TIAM2: variants seen among roughly 807,000 people sequenced by gnomAD.
The protein encoded by TIAM2 is rho guanine nucleotide exchange factor TIAM2.
A neutral mutation model predicts 152.9 loss-of-function variants in TIAM2; 80 were observed. That is an observed-to-expected ratio of 0.52 (90% CI 0.44 to 0.63). TIAM2 has a LOEUF of 0.63. TIAM2 is among the 30% of genes least tolerant of loss of function. The pLI is 0.00. For missense variants in TIAM2, 1,965 were observed against 2,120.1 expected (o/e 0.93, Z 1.44); for synonymous variants, 804 against 838.0 (o/e 0.96, Z 0.70).
intron 2 of TIAM2, among the ~76,000 whole-genome samples, chr6:155,110,687 A>G (rs1159078208): frequency 6.6e-6 from 1 of 152,246 alleles, no homozygotes; most frequent in African/African-American, 2.4e-5. Flanking sequence ...CTTACAAAAA[A>G]GAAGCCCTGG....
At chr6:154,996,445 T>C (rs1276488577) in intron 1 of TIAM2, among the ~76,000 whole-genome samples, 4 of 152,176 alleles carry the variant, frequency 2.6e-5, no homozygotes, top group African/African-American at 9.7e-5. Flanking sequence ...TGGTGAGACC[T>C]TTATTTACTA....
Position 155,156,354 on chromosome 6 carries a change from C to T in TIAM2, c.2028+8020C>T, listed in dbSNP as rs1780113441. Among the ~76,000 whole-genome samples, 1 of 152,130 alleles carries T rather than the reference C, an allele frequency of 6.6e-6. No individual in the cohort carries two copies. Among genetic ancestry groups the T allele is most frequent in the Non-Finnish European group, 1.5e-5 (1 of 68,016 alleles). On this transcript the variant is annotated intron_variant, in intron 7 of 26. Coordinates refer to ENST00000682666, the MANE Select transcript of TIAM2 (RefSeq NM_012454.4). The surrounding 1 kb of genome is among the most constrained non-coding windows in gnomAD (Gnocchi z 4.4). ...TCCATACAACAGCCAGACTGGGTTG[C>T]ATCGGAAAAGCACATCTGGGTCAGG...
At chr6:155,107,545 G>A (rs1778725312) in intron 2 of TIAM2, among the ~76,000 whole-genome samples, 1 of 152,238 alleles carries the variant, frequency 6.6e-6, no homozygotes, top group African/African-American at 2.4e-5. Context: ...TTTCAGAGTA[G>A]AAAGGGAAAT....
chr6:155,043,700 G>GC (rs1302106555), intron 1 of TIAM2, among the ~76,000 whole-genome samples: 1 of 149,450 alleles, frequency 6.7e-6, no homozygotes, highest in Non-Finnish European at 1.5e-5. Context: ...TGTTTTAGGA[G>GC]CCCCCCTGCA....
At chr6:155,173,221 AAC>A (rs1307402842) in intron 9 of TIAM2, among the ~76,000 whole-genome samples, 4 of 141,104 alleles carry the variant, frequency 2.8e-5, no homozygotes, top group African/African-American at 1.1e-4. Flanking sequence ...CTGTCTGCCT[AAC>A]ACACACCAAA....
intron 14 of TIAM2, among the ~76,000 whole-genome samples, chr6:155,209,676 G>A (rs1781676351): frequency 6.6e-6 from 1 of 152,198 alleles, no homozygotes; most frequent in Non-Finnish European, 1.5e-5. Flanking sequence ...GTATGACCGA[G>A]ATTATCTGTC....
At chr6:155,190,916 T>A (rs1781185180) in intron 14 of TIAM2, among the ~76,000 whole-genome samples, 1 of 152,264 alleles carries the variant, frequency 6.6e-6, no homozygotes, top group Non-Finnish European at 1.5e-5. Flanking sequence ...GTGTTTCTAT[T>A]TTTTTCCTCC....
Position 155,183,354 on chromosome 6 carries a change from G to T in TIAM2, c.2918G>T (p.Arg973Leu), listed in dbSNP as rs759264799. 6.2e-7 allele frequency: 1 copy of T among 1,613,284 alleles called. No homozygotes were observed. Among genetic ancestry groups the T allele is most frequent in the South Asian group, 1.1e-5 (1 of 91,010 alleles). ...AGCGTCGGACTCACTCTGATTGCCC[G>T]GCCTCCGGACACAAAAGCAACCCTG... ...EKSVGLTLIA[R>L]PPDTKATLCT... is the part of the protein sequence containing the mutation. The change falls in exon 14 of 27, where the codon CGG (arginine) becomes CTG (leucine). Residue 973 changes from arginine to leucine, a missense_variant. Coordinates refer to ENST00000682666, the MANE Select transcript of TIAM2 (RefSeq NM_012454.4).
chr6:155,111,852 C>T (rs1385640684), intron 2 of TIAM2, among the ~76,000 whole-genome samples: 1 of 152,170 alleles, frequency 6.6e-6, no homozygotes, highest in Non-Finnish European at 1.5e-5. Context: ...TCTCTGCTCC[C>T]CTTTATAGTA....
chr6:155,082,838 A>G (rs1371922063), intron 1 of TIAM2, among the ~76,000 whole-genome samples: 1 of 152,030 alleles, frequency 6.6e-6, no homozygotes, highest in Non-Finnish European at 1.5e-5. Context: ...TGGAGCTTTT[A>G]TTGGTGAAGT....
At chr6:155,070,315 G>T (rs1777813487) in intron 1 of TIAM2, among the ~76,000 whole-genome samples, 1 of 136,470 alleles carries the variant, frequency 7.3e-6, no homozygotes, top group African/African-American at 2.8e-5. Context: ...CTGCCTCCCG[G>T]GTTCAAACGA....
chr6:155,073,542 AT>A (rs1190034862), intron 1 of TIAM2, among the ~76,000 whole-genome samples: 2 of 152,078 alleles, frequency 1.3e-5, no homozygotes, highest in Non-Finnish European at 2.9e-5. Context: ...TTATACAGAT[AT>A]TTCCACTTTG....
intron 14 of TIAM2, among the ~76,000 whole-genome samples, chr6:155,199,087 CA>C (rs1187550657): frequency 1.3e-5 from 2 of 150,214 alleles, no homozygotes; most frequent in Non-Finnish European, 3.0e-5. Flanking sequence ...TTTTTAATTA[CA>C]AAAAAAGTTT....
At chr6:155,236,843 C>T (rs1472635007) in intron 15 of TIAM2, among the ~76,000 whole-genome samples, 1 of 152,182 alleles carries the variant, frequency 6.6e-6, no homozygotes, top group East Asian at 1.9e-4. Flanking sequence ...GGGCCCCTCC[C>T]ACAATACATG....
intron 15 of TIAM2, among the ~76,000 whole-genome samples, chr6:155,212,943 A>C (rs1440433799): frequency 6.6e-6 from 1 of 152,138 alleles, no homozygotes; most frequent in Non-Finnish European, 1.5e-5. Flanking sequence ...CACACATATT[A>C]CAAGCAGTTT....
chr6:155,206,277 T>C, intron 14 of TIAM2, among the ~76,000 whole-genome samples: 1 of 152,178 alleles, frequency 6.6e-6, no homozygotes. Context: ...AGATGGAATC[T>C]CGCTCTGTCG....
At chr6:155,118,028 T>C (rs1779055791) in intron 2 of TIAM2, among the ~76,000 whole-genome samples, 1 of 152,264 alleles carries the variant, frequency 6.6e-6, no homozygotes, top group Non-Finnish European at 1.5e-5. Context: ...CGCTGAGCTG[T>C]TGGCTACTGT....
intron 6 of TIAM2, among the ~76,000 whole-genome samples, chr6:155,146,539 C>T (rs1010534597): frequency 2.0e-5 from 3 of 152,058 alleles, no homozygotes; most frequent in East Asian, 1.9e-4. Flanking sequence ...CATTTGCCCA[C>T]TTTATTCAAA....
chr6:155,077,626 G>A (rs574624340), intron 1 of TIAM2, among the ~76,000 whole-genome samples: 16 of 152,308 alleles, frequency 1.1e-4, no homozygotes, highest in Admixed American at 9.8e-4. Flanking sequence ...TCATGGCAAC[G>A]ATTAGAGAAA....
Sources: gnomAD v4.1 joint callset for allele counts (sites outside exome capture counted in the v4.1 genomes callset) on GRCh38, gnomAD v4.1.1 for gene constraint, Gnocchi (gnomAD v3.1) non-coding constraint, MANE v1.5 for transcripts, NCBI Gene and HGNC (gene_info 2026-07-23, HGNC 2026-07-21) for gene names.